The following DOK5 variants were observed in gnomAD, a reference collection of about 807,000 sequenced individuals.
DOK5 encodes docking protein 5.
DOK5 carries 27 observed loss-of-function variants against 43.3 expected under a neutral mutation model. The ratio of observed to expected loss-of-function variants is 0.62; its 90% CI spans 0.46 to 0.86. DOK5 has a LOEUF of 0.86. Ranked by LOEUF, DOK5 falls within the 40% of genes least tolerant of loss-of-function variation. The pLI is 0.00. For missense variants in DOK5, 373 were observed against 392.9 expected (o/e 0.95, Z 0.43); for synonymous variants, 146 against 140.1 (o/e 1.04, Z -0.30).
chr20:54,645,745 C>T (rs544540115), intron 7 of DOK5, among the ~76,000 whole-genome samples: 21 of 152,174 alleles, frequency 1.4e-4, no homozygotes, highest in Middle Eastern at 3.4e-3. Flanking sequence ...TACAGGAGGG[C>T]AGGAGAGCTG....
chr20:54,540,416 G>T (rs936442304), intron 1 of DOK5, among the ~76,000 whole-genome samples: 3 of 152,200 alleles, frequency 2.0e-5, no homozygotes, highest in Non-Finnish European at 4.4e-5. Context: ...GAAACAAAAT[G>T]TGTTGCCCTT....
chr20:54,565,309 A>G (rs1190104636), intron 2 of DOK5, among the ~76,000 whole-genome samples: 1 of 152,236 alleles, frequency 6.6e-6, no homozygotes, highest in Non-Finnish European at 1.5e-5. Flanking sequence ...ATATACTGTA[A>G]TAAAAGTTAT....
intron 2 of DOK5, among the ~76,000 whole-genome samples, chr20:54,560,162 CT>C: frequency 6.6e-6 from 1 of 152,198 alleles, no homozygotes; most frequent in South Asian, 2.1e-4. Flanking sequence ...ATGATTCATT[CT>C]TTTTTTACAC....
intron 1 of DOK5, among the ~76,000 whole-genome samples, chr20:54,488,429 C>A (rs1166184965): frequency 6.6e-6 from 1 of 152,244 alleles, no homozygotes; most frequent in Non-Finnish European, 1.5e-5. Flanking sequence ...GTTGACTCCT[C>A]ACATCCTTCT....
At chr20:54,635,619 G>A (rs1187955879) in intron 6 of DOK5, among the ~76,000 whole-genome samples, 1 of 152,188 alleles carries the variant, frequency 6.6e-6, no homozygotes, top group Non-Finnish European at 1.5e-5. Flanking sequence ...TCAAACCAAT[G>A]TTCATCTTAT....
At chr20:54,490,713 G>T (rs1009906265) in intron 1 of DOK5, among the ~76,000 whole-genome samples, 3 of 151,546 alleles carry the variant, frequency 2.0e-5, no homozygotes, top group Non-Finnish European at 4.4e-5. Context: ...AGCCTCCCGA[G>T]TAAGTAGCTG....
chr20:54,587,939 G>T (rs907464043), intron 2 of DOK5, among the ~76,000 whole-genome samples: 1 of 152,154 alleles, frequency 6.6e-6, no homozygotes, highest in South Asian at 2.1e-4. Context: ...GTCAGGGGTC[G>T]TTTCTGAGAC....
intron 1 of DOK5, among the ~76,000 whole-genome samples, chr20:54,512,272 T>C (rs1983038928): frequency 6.6e-6 from 1 of 152,224 alleles, no homozygotes; most frequent in Non-Finnish European, 1.5e-5. Context: ...GAATTATCCT[T>C]CTCAAGGGAA....
At chr20:54,641,311 A>C (rs1336429934) in intron 6 of DOK5, among the ~76,000 whole-genome samples, 1 of 152,096 alleles carries the variant, frequency 6.6e-6, no homozygotes, top group African/African-American at 2.4e-5. Flanking sequence ...ATACAAATTA[A>C]ATTTTCTTTT....
intron 6 of DOK5, among the ~76,000 whole-genome samples, chr20:54,617,129 T>G (rs1209140750): frequency 6.6e-6 from 1 of 152,042 alleles, no homozygotes; most frequent in Non-Finnish European, 1.5e-5. Flanking sequence ...TTGGTGGAAT[T>G]TAGCTACTTG....
At chr20:54,646,350 C>A (rs1979429797) in intron 7 of DOK5, among the ~76,000 whole-genome samples, 1 of 143,720 alleles carries the variant, frequency 7.0e-6, no homozygotes, top group Non-Finnish European at 1.5e-5. Flanking sequence ...ACCTCCTGGG[C>A]ACCAGTGATC....
At chr20:54,643,727 C>T in intron 7 of DOK5, 149 bp downstream of exon 7, 1 of 1,037,108 alleles carries the variant, frequency 9.6e-7, no homozygotes, top group Non-Finnish European at 1.4e-6. Flanking sequence ...ACACACGAGG[C>T]ACTTAATCTT....
intron 6 of DOK5, among the ~76,000 whole-genome samples, chr20:54,634,824 C>T (rs1978749341): frequency 6.6e-6 from 1 of 151,720 alleles, no homozygotes; most frequent in African/African-American, 2.4e-5. Context: ...ATACCATATA[C>T]ATGTACCCTT....
At chr20:54,579,363 T>C (rs1394317076) in intron 2 of DOK5, among the ~76,000 whole-genome samples, 1 of 152,086 alleles carries the variant, frequency 6.6e-6, no homozygotes, top group Non-Finnish European at 1.5e-5. Context: ...TGTGCTTGTG[T>C]GTGTGTGTGT....
chr20:54,544,418 G>T (rs1238224367), intron 1 of DOK5, among the ~76,000 whole-genome samples: 1 of 152,118 alleles, frequency 6.6e-6, no homozygotes, highest in Non-Finnish European at 1.5e-5. Flanking sequence ...AGCACCAACT[G>T]TGAAATCCTG....
intron 1 of DOK5, among the ~76,000 whole-genome samples, chr20:54,485,269 G>A (rs1297901781): frequency 6.6e-6 from 1 of 151,796 alleles, no homozygotes; most frequent in South Asian, 2.1e-4. Flanking sequence ...GAGCGGCGGA[G>A]GTTGCAGTGA....
intron 5 of DOK5, among the ~76,000 whole-genome samples, chr20:54,592,280 C>T (rs1489969388): frequency 6.6e-6 from 1 of 152,140 alleles, no homozygotes; most frequent in Non-Finnish European, 1.5e-5. Context: ...ATTTGGCTTA[C>T]AGTGTAAGGA....
At chr20:54,515,620 C>T (rs1246199178) in intron 1 of DOK5, among the ~76,000 whole-genome samples, 2 of 152,178 alleles carry the variant, frequency 1.3e-5, no homozygotes, top group Admixed American at 6.5e-5. Context: ...AAACAGGGAA[C>T]ATCCTACCAA....
intron 1 of DOK5, among the ~76,000 whole-genome samples, chr20:54,489,827 G>A (rs1982095883): frequency 6.6e-6 from 1 of 152,160 alleles, no homozygotes; most frequent in South Asian, 2.1e-4. Context: ...CCATTGGAGA[G>A]CCTGAAGGTG....
Sources: gnomAD v4.1 joint callset for allele counts (sites outside exome capture counted in the v4.1 genomes callset) on GRCh38, gnomAD v4.1.1 for gene constraint, MANE v1.5 for transcripts, NCBI Gene and HGNC (gene_info 2026-07-23, HGNC 2026-07-21) for gene names.